SEMA4A: variants seen among roughly 807,000 people sequenced by gnomAD.
The protein encoded by SEMA4A is semaphorin 4A, also known as semaphorin-4A.
A neutral mutation model predicts 72.5 loss-of-function variants in SEMA4A; 52 were observed. The observed-to-expected ratio is 0.72, with a 90% CI of 0.57 to 0.90. SEMA4A has a LOEUF of 0.90. Ranked by LOEUF, SEMA4A falls within the 40% of genes least tolerant of loss-of-function variation. SEMA4A has a pLI of 0.00. For synonymous variants in SEMA4A, 369 were observed against 393.1 expected (o/e 0.94, Z 0.73); for missense variants, 926 against 959.7 (o/e 0.96, Z 0.46).
chr1:156,148,594 C>T (rs113487776), upstream of SEMA4A, among the ~76,000 whole-genome samples: 18 of 152,124 alleles, frequency 1.2e-4, no homozygotes, highest in African/African-American at 3.4e-4. Context: ...TGAAGTCTGG[C>T]GGAGCCATGC....
chr1:156,154,639 C>G lies in SEMA4A; in HGVS notation c.61C>G (p.Leu21Val). 1 of 1,608,886 alleles carries G rather than the reference C, an allele frequency of 6.2e-7. No homozygotes were observed. Among genetic ancestry groups the G allele is most frequent in the Non-Finnish European group, 8.5e-7 (1 of 1,178,234 alleles). Residue 21 changes from leucine to valine, a missense_variant, in exon 2 of 15, where the codon CTG becomes GTG. Transcript: ENST00000368285. ...CCTCCTGGGCCTTTTCCTCTTCCAA[C>G]TGCTTCAGCTGCTGCTGCCGACGAC... ...WSLLGLFLFQLLQLLLPTTTA... is the reference protein window; with the variant it reads ...WSLLGLFLFQVLQLLLPTTTA...
chr1:156,159,725 A>G (rs1337484882), intron 6 of SEMA4A, among the ~76,000 whole-genome samples: 1 of 152,056 alleles, frequency 6.6e-6, no homozygotes, highest in African/African-American at 2.4e-5. Flanking sequence ...CTTGGGCAAT[A>G]GTATAGTGAG....
At chr1:156,168,126 G>GT (rs1020791329) in intron 10 of SEMA4A, among the ~76,000 whole-genome samples, 2 of 152,064 alleles carry the variant, frequency 1.3e-5, no homozygotes, top group African/African-American at 4.8e-5. Context: ...ATTTCACCAT[G>GT]TTGGCCAGGC....
In SEMA4A at chr1:156,156,512, G is replaced by T. The variant is rs1458651405; in HGVS notation, c.238G>T (p.Ala80Ser). Residue 80 changes from alanine (A) to serine (S), a missense_variant, in exon 3 of 15, where the codon GCT (alanine) becomes TCT (serine). Coordinates refer to ENST00000368285, the MANE Select transcript of SEMA4A (RefSeq NM_022367.4). The stretch of plus-strand genomic sequence containing the variant: ...TGATGGAAATACTCTCTACGTGGGG[G>T]CTCGAGAAGCCATTCTGGCCTTGGA... The part of the protein sequence containing the change: ...SGDGNTLYVG[A>S]REAILALDIQ... 1.2e-6 allele frequency: 2 copies of T among 1,614,110 alleles called. No individual in the cohort carries two copies. The highest frequency in any genetic ancestry group is 1.7e-6 in the Non-Finnish European group (2 of 1,180,022).
At chr1:156,175,755 C>T in intron 14 of SEMA4A, 99 bp downstream of exon 14, 1 of 871,520 alleles carries the variant, frequency 1.1e-6, no homozygotes, top group South Asian at 1.4e-5. Flanking sequence ...CCAGCACCTG[C>T]CTGGCTTGAG....
chr1:156,164,117 G>T (rs971739784), intron 10 of SEMA4A, among the ~76,000 whole-genome samples: 3 of 149,168 alleles, frequency 2.0e-5, no homozygotes, highest in Admixed American at 2.0e-4. Flanking sequence ...TACAAAAAGA[G>T]AAAAAATCAG....
intron 13 of SEMA4A, 147 bp downstream of exon 13, chr1:156,175,390 G>A (rs1342040765): frequency 1.6e-5 from 19 of 1,198,742 alleles, no homozygotes; most frequent in Non-Finnish European, 2.2e-5. Flanking sequence ...TCCAGGGATG[G>A]AGTTTCCAGG....
At chr1:156,163,299 T>C (rs1165437265) in intron 10 of SEMA4A, 1 of 611,126 alleles carries the variant, frequency 1.6e-6, no homozygotes, top group Non-Finnish European at 2.9e-6. Context: ...GCTGGAGCCA[T>C]CTCCCTTCAC....
rs563347115 is a variant in SEMA4A at position 156,176,520 on chromosome 1, C to T, written c.1809C>T (p.Ser603=). The T allele has an allele frequency of 1.2e-6, 2 of 1,614,162 alleles. No individual in the cohort carries two copies. The highest frequency in any genetic ancestry group is 1.7e-6 in the Non-Finnish European group (2 of 1,180,026). ...CAGCAGCAGTCCCAGAAGCCTCTTC[C>T]ACTGTCTACAATGGCTCCCTCTTGC... ...HGPAAVPEAS[S]TVYNGSLLLI... is the part of the protein sequence containing the mutation. Residue 603 remains serine, a synonymous_variant, in exon 15 of 15, where the codon TCC becomes TCT. Transcript: ENST00000368285.
intron 3 of SEMA4A, 21 bp from the exon 4 acceptor site, chr1:156,158,049 C>T (rs376712055): frequency 6.2e-7 from 1 of 1,613,748 alleles, no homozygotes; most frequent in Non-Finnish European, 8.5e-7. Flanking sequence ...TCATCTCGCC[C>T]TCCCAACTCC....
rs1353063599 is a variant in SEMA4A at position 156,154,638 on chromosome 1, A to G, written c.60A>G (p.Gln20=). 1 of 1,609,442 alleles carries G rather than the reference A, an allele frequency of 6.2e-7. No homozygotes were observed. Among genetic ancestry groups the G allele is most frequent in the African/African-American group, 1.3e-5 (1 of 74,892 alleles). The change falls in exon 2 of 15, where the codon CAA becomes CAG. Residue 20 remains glutamine, a synonymous_variant. Coordinates refer to ENST00000368285, the MANE Select transcript of SEMA4A (RefSeq NM_022367.4). The part of the protein sequence containing the change: ...PWSLLGLFLF[Q]LLQLLLPTTT... Reference sequence around the variant, plus strand: ...GCCTCCTGGGCCTTTTCCTCTTCCAACTGCTTCAGCTGCTGCTGCCGACGA... The same window carrying G: ...GCCTCCTGGGCCTTTTCCTCTTCCAGCTGCTTCAGCTGCTGCTGCCGACGA...
chr1:156,176,748 C>T lies in SEMA4A; in HGVS notation c.2037C>T (p.Ser679=). ...SGGAALAAQQ[S]YWPHFVTVTV... ...GGGCCGCCCTGGCTGCCCAGCAGTC[C>T]TACTGGCCCCACTTTGTCACTGTCA... The change falls in exon 15 of 15, where the codon TCC becomes TCT. Residue 679 remains serine, a synonymous_variant. Transcript: ENST00000368285. 2.5e-6 allele frequency: 4 copies of T among 1,612,602 alleles called. No homozygotes were observed. The highest frequency in any genetic ancestry group is 1.1e-5 in the South Asian group (1 of 91,060).
chr1:156,154,609 T>C lies in SEMA4A; in HGVS notation c.31T>C (p.Trp11Arg), dbSNP rs1280422926. The C allele has an allele frequency of 1.2e-6, 2 of 1,610,718 alleles. No individual in the cohort carries two copies. The highest frequency in any genetic ancestry group is 2.2e-5 in the South Asian group (2 of 90,350). The change falls in exon 2 of 15, where the codon TGG (tryptophan) becomes CGG (arginine). Residue 11 changes from tryptophan (W) to arginine (R), a missense_variant. Physicochemically the swap from Trp to Arg is moderately radical, Grantham distance 101. Transcript: ENST00000368285. MALPALGLDP[W>R]SLLGLFLFQL... ...CCTCCCAGCCCTGGGCCTGGACCCC[T>C]GGAGCCTCCTGGGCCTTTTCCTCTT...
rs1377751741 is a variant in SEMA4A at position 156,157,022 on chromosome 1, G to A, written c.300+448G>A. ...GTTGGGATTACAGGCGTGAGCCACC[G>A]CACCCGGCCTGTGACTTCACTCTTC... On this transcript the variant is annotated intron_variant, in intron 3 of 14. Coordinates refer to ENST00000368285, the MANE Select transcript of SEMA4A (RefSeq NM_022367.4). This position sits in a 1 kb window ranked among gnomAD's most constrained non-coding sequence, Gnocchi z 4.5. 2.6e-5 allele frequency among the ~76,000 whole-genome samples: 4 copies of A among 152,034 alleles called. No individual in the cohort carries two copies. The highest frequency in any genetic ancestry group is 7.3e-5 in the African/African-American group (3 of 41,374).
intron 10 of SEMA4A, 86 bp from the exon 11 acceptor site, chr1:156,172,740 G>C: frequency 2.4e-6 from 3 of 1,250,806 alleles, no homozygotes; most frequent in East Asian, 2.3e-5. Context: ...TGAGGGAGGG[G>C]GTAAAGGGAG....
chr1:156,161,534 G>A lies in SEMA4A; in HGVS notation c.983+16G>A, dbSNP rs746088097. The A allele has an allele frequency of 4.3e-6, 7 of 1,613,410 alleles. No individual in the cohort carries two copies. The highest frequency in any genetic ancestry group is 5.9e-6 in the Non-Finnish European group (7 of 1,179,782). On this transcript the variant is annotated intron_variant, in intron 9 of 14. Transcript: ENST00000368285. ...CCTCCCAGTGGTGAGCAGCAGGGCT[G>A]GACCATGGGGGCTGGACACGGGACT...
Position 156,177,445 on chromosome 1 carries a change from A to T in SEMA4A, c.*448A>T, listed in dbSNP as rs1255912670. The T allele has an allele frequency of 3.7e-6, 1 of 268,788 alleles. No individual in the cohort carries two copies. The highest frequency in any genetic ancestry group is 7.3e-6 in the Non-Finnish European group (1 of 136,526). The allele number at this position is 268,788 out of a possible 1,614,324, so 16.7% of individuals were successfully genotyped here. ...CCACTCTGAAGCTGCCGCTTTGGAC[A>T]CCAACACTCCCTTCTCCCAGGGTCA... On this transcript the variant is annotated 3_prime_UTR_variant, in exon 15 of 15. Coordinates refer to ENST00000368285, the MANE Select transcript of SEMA4A (RefSeq NM_022367.4).
intron 6 of SEMA4A, among the ~76,000 whole-genome samples, chr1:156,159,986 C>G (rs899577379): frequency 2.7e-5 from 4 of 150,298 alleles, no homozygotes; most frequent in Non-Finnish European, 5.9e-5. Flanking sequence ...CCAACCATTA[C>G]AGACTTCCCA....
chr1:156,177,223 TG>T lies in SEMA4A; in HGVS notation c.*231del, dbSNP rs1474359179. 1.5e-5 allele frequency: 9 copies of T among 611,596 alleles called. 1 individual carries two copies. The highest frequency in any genetic ancestry group is 5.5e-5 in the African/African-American group (3 of 54,648). 37.9% of individuals were successfully genotyped at this position (611,596 alleles called of 1,614,324 possible). A position where few individuals can be genotyped will look rare whatever the true frequency, so the allele number is the denominator to read the frequency against. On this transcript the variant is annotated 3_prime_UTR_variant, in exon 15 of 15. Coordinates refer to ENST00000368285, the MANE Select transcript of SEMA4A (RefSeq NM_022367.4). ...CAAGCACATGAGCTCTCTAACAGGG[TG>T]GGGGCTACCCCCAGACCTGCTCCTA... is the stretch of plus-strand genomic sequence containing the variant.
Sources: gnomAD v4.1 joint callset for allele counts (sites outside exome capture counted in the v4.1 genomes callset) on GRCh38, gnomAD v4.1.1 for gene constraint, Gnocchi (gnomAD v3.1) non-coding constraint, MANE v1.5 for transcripts, NCBI Gene and HGNC (gene_info 2026-07-23, HGNC 2026-07-21) for gene names.